DLEU7: variants seen among roughly 807,000 people sequenced by gnomAD.
DLEU7 encodes the protein leukemia-associated protein 7.
Under a neutral mutation model 16.0 loss-of-function variants are expected in DLEU7, and 17 were observed. That is an observed-to-expected ratio of 1.06 (90% confidence interval 0.73 to 1.59). DLEU7 has a LOEUF of 1.59. DLEU7 is among the 40% of genes most tolerant of loss of function. The pLI is 0.00. For missense variants in DLEU7, 308 were observed against 314.9 expected (o/e 0.98, Z 0.17); for synonymous variants, 113 against 139.8 (o/e 0.81, Z 1.35).
chr13:50,805,583 T>C (rs1284173899), intron 1 of DLEU7, among the ~76,000 whole-genome samples: 1 of 152,224 alleles, frequency 6.6e-6, no homozygotes, highest in Non-Finnish European at 1.5e-5. Flanking sequence ...ATAACCCTTT[T>C]AAATATCTTT....
intron 1 of DLEU7, among the ~76,000 whole-genome samples, chr13:50,749,527 T>G (rs1383018138): frequency 6.6e-6 from 1 of 152,238 alleles, no homozygotes; most frequent in African/African-American, 2.4e-5. Flanking sequence ...TTTTCCATAG[T>G]GGCTGTACTA....
chr13:50,794,586 G>A (rs1013615020), intron 1 of DLEU7, among the ~76,000 whole-genome samples: 1 of 152,156 alleles, frequency 6.6e-6, no homozygotes, highest in South Asian at 2.1e-4. Context: ...TGAGAATCAT[G>A]GCTGACTTGC....
intron 1 of DLEU7, among the ~76,000 whole-genome samples, chr13:50,839,013 G>A (rs1459496736): frequency 6.6e-6 from 1 of 152,122 alleles, no homozygotes; most frequent in Non-Finnish European, 1.5e-5. Flanking sequence ...TGTTATTTAA[G>A]TCACCCCGTC....
Position 50,822,943 on chromosome 13 carries a change from C to T in DLEU7, c.*371G>A. Reference sequence around the variant, plus strand: ...CATGGAACTTTAATTATATAAATAACCACATTAAACCCTTTAGACCTACAT... The same window carrying T: ...CATGGAACTTTAATTATATAAATAATCACATTAAACCCTTTAGACCTACAT... On this transcript the variant is annotated 3_prime_UTR_variant, in exon 2 of 2. Transcript: ENST00000504404. 4.2e-6 allele frequency: 4 copies of T among 962,154 alleles called. No homozygotes were observed. Among genetic ancestry groups the T allele is most frequent in the Non-Finnish European group, 5.0e-6 (4 of 805,994 alleles). 59.6% of individuals were successfully genotyped at this position (962,154 alleles called of 1,614,324 possible).
intron 1 of DLEU7, among the ~76,000 whole-genome samples, chr13:50,806,158 T>C (rs1876383031): frequency 6.6e-6 from 1 of 152,202 alleles, no homozygotes; most frequent in South Asian, 2.1e-4. Context: ...AAATCTCTGT[T>C]GTTTCCTAGT....
chr13:50,843,211 G>A lies in DLEU7; in HGVS notation c.436C>T (p.Arg146Trp). The A allele has an allele frequency of 6.3e-7, 1 of 1,593,066 alleles. No homozygotes were observed. Among genetic ancestry groups the A allele is most frequent in the Non-Finnish European group, 8.5e-7 (1 of 1,170,652 alleles). ...ACCTTCAGGTGAATGGGAAAGGACCGCTCCTGCTGGAGGGGCCCCAGCAGC... is the reference window on the plus strand; with the variant it reads ...ACCTTCAGGTGAATGGGAAAGGACCACTCCTGCTGGAGGGGCCCCAGCAGC... ...QTLLGPLQQE[R>W]SFPIHLKDSV... Residue 146 changes from arginine (R) to tryptophan (W), a missense_variant, in exon 1 of 2, where the codon CGG becomes TGG. By Grantham distance (101) the Arg-to-Trp change is moderately radical. Coordinates refer to ENST00000504404, the MANE Select transcript of DLEU7 (RefSeq NM_001306135.2). The surrounding 1 kb of genome is among the most constrained non-coding windows in gnomAD (Gnocchi z 5.7).
At chr13:50,782,552 C>T (rs896236691) in intron 1 of DLEU7, among the ~76,000 whole-genome samples, 3 of 152,192 alleles carry the variant, frequency 2.0e-5, no homozygotes, top group Non-Finnish European at 2.9e-5. Flanking sequence ...TTTATCCTTT[C>T]TGCCTTCCCT....
chr13:50,724,717 T>A (rs796069220), intron 1 of DLEU7, among the ~76,000 whole-genome samples: 5 of 152,266 alleles, frequency 3.3e-5, no homozygotes, highest in African/African-American at 9.6e-5. Flanking sequence ...CTATAGCGCA[T>A]GCCTCACTCA....
chr13:50,828,943 G>C (rs149861814), intron 1 of DLEU7, among the ~76,000 whole-genome samples: 483 of 152,198 alleles, frequency 3.2e-3, no homozygotes, highest in African/African-American at 0.011. Context: ...TTTGTGTGTT[G>C]CTCATTTCTG....
intron 1 of DLEU7, among the ~76,000 whole-genome samples, chr13:50,796,633 G>A (rs911052034): frequency 5.3e-5 from 8 of 152,156 alleles, no homozygotes; most frequent in Non-Finnish European, 1.2e-4. Flanking sequence ...CCAATTAGAA[G>A]TGGTCATGTG....
At chr13:50,763,852 AAAC>A (rs1329245030) in intron 1 of DLEU7, among the ~76,000 whole-genome samples, 3 of 152,212 alleles carry the variant, frequency 2.0e-5, no homozygotes, top group African/African-American at 7.2e-5. Flanking sequence ...TGTAAACTGC[AAAC>A]AACACTAGTA....
intron 1 of DLEU7, among the ~76,000 whole-genome samples, chr13:50,824,251 T>G (rs1003075352): frequency 6.6e-6 from 1 of 152,200 alleles, no homozygotes; most frequent in African/African-American, 2.4e-5. Flanking sequence ...TTCTATATTT[T>G]TAATCCCTAA....
At chr13:50,766,976 C>G (rs1448683090) in intron 1 of DLEU7, among the ~76,000 whole-genome samples, 3 of 152,146 alleles carry the variant, frequency 2.0e-5, no homozygotes, top group Non-Finnish European at 4.4e-5. Flanking sequence ...CTGTCTGAAC[C>G]CTCATCATTG....
At chr13:50,816,224 C>T (rs1251238823) in intron 1 of DLEU7, among the ~76,000 whole-genome samples, 1 of 151,752 alleles carries the variant, frequency 6.6e-6, no homozygotes, top group East Asian at 1.9e-4. Context: ...TCATTCTCTC[C>T]CTTTCATCCT....
chr13:50,779,171 G>A (rs534624187), intron 1 of DLEU7, among the ~76,000 whole-genome samples: 1 of 152,242 alleles, frequency 6.6e-6, no homozygotes, highest in African/African-American at 2.4e-5. Context: ...CCAAGCACAG[G>A]AGCAGAAATT....
At chr13:50,748,789 AAG>A (rs1370232428) in intron 1 of DLEU7, among the ~76,000 whole-genome samples, 2 of 152,078 alleles carry the variant, frequency 1.3e-5, no homozygotes, top group Non-Finnish European at 2.9e-5. Context: ...AATTGGAGAA[AAG>A]AGAGGCGAAA....
At chr13:50,841,395 AT>A (rs1044144097) in intron 1 of DLEU7, among the ~76,000 whole-genome samples, 27 of 149,504 alleles carry the variant, frequency 1.8e-4, no homozygotes, top group East Asian at 1.6e-3. Context: ...AATAACATGT[AT>A]TTTTTTTTTA....
intron 1 of DLEU7, among the ~76,000 whole-genome samples, chr13:50,757,278 G>A (rs1319842446): frequency 6.6e-6 from 1 of 152,104 alleles, no homozygotes; most frequent in Non-Finnish European, 1.5e-5. Flanking sequence ...TTTTTTTAAA[G>A]AAATTAGCAA....
At chr13:50,760,491 C>T (rs1671818119) in intron 1 of DLEU7, among the ~76,000 whole-genome samples, 1 of 152,050 alleles carries the variant, frequency 6.6e-6, no homozygotes, top group Non-Finnish European at 1.5e-5. Flanking sequence ...CCTCACAAGT[C>T]GCTAGGATTA....
Sources: allele counts gnomAD v4.1 joint callset (sites outside exome capture counted in the v4.1 genomes callset), GRCh38; gene constraint gnomAD v4.1.1; non-coding constraint Gnocchi (gnomAD v3.1); transcripts MANE v1.5; gene names NCBI Gene and HGNC (gene_info 2026-07-23, HGNC 2026-07-21).